Variants in ICOS observed in about 807,000 individuals in gnomAD.
ICOS encodes the protein inducible T cell costimulator, also known as inducible T-cell costimulator.
ICOS carries 15 observed loss-of-function variants against 24.6 expected under a neutral mutation model. That is an observed-to-expected ratio of 0.61 (90% CI 0.41 to 0.94). The LOEUF is 0.94. Ranked by LOEUF, ICOS falls within the 40% of genes least tolerant of loss-of-function variation. ICOS has a pLI of 0.00. For synonymous variants in ICOS, 89 were observed against 77.5 expected, an observed-to-expected ratio of 1.15 and a Z score of -0.78; for missense variants, 200 against 233.0, an observed-to-expected ratio of 0.86 and a Z score of 0.92.
chr2:203,938,719 A>G (rs1016386218), intron 1 of ICOS, among the ~76,000 whole-genome samples: 2 of 152,244 alleles, frequency 1.3e-5, no homozygotes, highest in African/African-American at 4.8e-5. Context: ...GGTGAGATCC[A>G]GCCTTAGGTA....
intron 1 of ICOS, among the ~76,000 whole-genome samples, chr2:203,937,641 A>AAAGTT (rs1689681223): frequency 6.6e-6 from 1 of 152,236 alleles, no homozygotes; most frequent in Non-Finnish European, 1.5e-5. Context: ...TGAAAAAAGG[A>AAAGTT]AAGTTAAGTA....
At chr2:203,943,450 A>G (rs1286630397) in intron 1 of ICOS, among the ~76,000 whole-genome samples, 2 of 151,968 alleles carry the variant, frequency 1.3e-5, no homozygotes, top group Non-Finnish European at 2.9e-5. Context: ...CACCCAGCAA[A>G]TCTACCCGGC....
intron 1 of ICOS, among the ~76,000 whole-genome samples, chr2:203,953,761 T>C (rs73055996): frequency 0.031 from 4,670 of 152,300 alleles, 225 homozygotes; most frequent in African/African-American, 0.1. Flanking sequence ...ATATCCAACG[T>C]TAGTATTTTA....
intron 1 of ICOS, among the ~76,000 whole-genome samples, chr2:203,942,999 A>C (rs1323505894): frequency 3.3e-5 from 5 of 152,078 alleles, no homozygotes; most frequent in Non-Finnish European, 7.3e-5. Context: ...AGTTTCCTGA[A>C]ATTTTTATTG....
chr2:203,959,161 G>A (rs527607078), intron 4 of ICOS, among the ~76,000 whole-genome samples: 1 of 152,288 alleles, frequency 6.6e-6, no homozygotes, highest in African/African-American at 2.4e-5. Flanking sequence ...GAGGGCATTA[G>A]CTTTCCCTCA....
chr2:203,950,180 G>T (rs1040887539), intron 1 of ICOS, among the ~76,000 whole-genome samples: 32 of 152,204 alleles, frequency 2.1e-4, no homozygotes, highest in Non-Finnish European at 3.1e-4. Flanking sequence ...GGAGGCTGGG[G>T]CCTAAGTCTA....
rs114884192 is a variant in ICOS, at chr2:203,946,559, G to C, written c.59-9077G>C. Reference sequence around the variant, plus strand: ...TGAATAGCAATGTAAGTTTAGAAATGATGCATATATAAAAATCTACTAACC... The same window carrying C: ...TGAATAGCAATGTAAGTTTAGAAATCATGCATATATAAAAATCTACTAACC... On this transcript the variant is annotated intron_variant, in intron 1 of 4. Coordinates refer to ENST00000316386, the MANE Select transcript of ICOS (RefSeq NM_012092.4). Among the ~76,000 whole-genome samples the C allele has an allele frequency of 1.7e-3, 259 of 152,030 alleles. 1 individual carries two copies. The highest frequency in any genetic ancestry group is 2.2e-3 in the Non-Finnish European group (149 of 68,008).
chr2:203,936,926 GA>G, intron 1 of ICOS, 54 bp downstream of exon 1: 1 of 1,378,278 alleles, frequency 7.3e-7, no homozygotes, highest in Non-Finnish European at 1.0e-6. Context: ...TAAACATTAA[GA>G]AAAAGCAAAG....
At chr2:203,957,599 G>A (rs1034816293) in intron 3 of ICOS, among the ~76,000 whole-genome samples, 200 bp from the exon 4 acceptor site, 13 of 152,168 alleles carry the variant, frequency 8.5e-5, no homozygotes, top group Admixed American at 5.2e-4. Flanking sequence ...AGGCAAAAAC[G>A]AGGAAGAAAG....
Position 203,961,358 on chromosome 2 carries a change from G to C in ICOS, c.*1759G>C. ...TTTGCAGGTTTCTGTGTGTGGGGTG[G>C]GGTATGGGGAGGAGAACCTTCATGG... On this transcript the variant is annotated 3_prime_UTR_variant, in exon 5 of 5. Coordinates refer to ENST00000316386, the MANE Select transcript of ICOS (RefSeq NM_012092.4). 1 of 175,602 alleles carries C rather than the reference G, an allele frequency of 5.7e-6. No homozygotes were observed. The highest frequency in any genetic ancestry group is 1.3e-4 in the East Asian group (1 of 7,964). The allele number at this position is 175,602 out of a possible 1,614,324, so 10.9% of individuals were successfully genotyped here.
chr2:203,940,320 T>C (rs1689741657), intron 1 of ICOS, among the ~76,000 whole-genome samples: 1 of 152,250 alleles, frequency 6.6e-6, no homozygotes, highest in South Asian at 2.1e-4. Context: ...AGGTTTCCTC[T>C]TACAGTATTT....
chr2:203,948,142 T>C (rs576207674), intron 1 of ICOS, among the ~76,000 whole-genome samples: 1 of 152,314 alleles, frequency 6.6e-6, no homozygotes, highest in Admixed American at 6.5e-5. Flanking sequence ...TATTTGAAGG[T>C]AAAGAAAGTT....
At chr2:203,941,128 C>CT (rs958038928) in intron 1 of ICOS, among the ~76,000 whole-genome samples, 1 of 152,082 alleles carries the variant, frequency 6.6e-6, no homozygotes, top group African/African-American at 2.4e-5. Context: ...TTTTTTAAGA[C>CT]TGGGTGAAAG....
At chr2:203,956,863 G>A (rs920353961) in intron 3 of ICOS, 98 bp downstream of exon 3, 1 of 808,592 alleles carries the variant, frequency 1.2e-6, no homozygotes, top group Non-Finnish European at 2.1e-6. Flanking sequence ...AGAGTAATTT[G>A]ACCAACAGGG....
chr2:203,955,843 A>G lies in ICOS; in HGVS notation c.266A>G (p.Asn89Ser). 6.2e-7 allele frequency: 1 copy of G among 1,613,812 alleles called. No homozygotes were observed. Among genetic ancestry groups the G allele is most frequent in the South Asian group, 1.1e-5 (1 of 91,080 alleles). ...AAATTCTGCCATTCTCAGTTATCCA[A>G]CAACAGTGTCTCTTTTTTTCTATAC... Reference protein sequence around the residue: ...SLKFCHSQLSNNSVSFFLYNL... With the variant: ...SLKFCHSQLSSNSVSFFLYNL... The change falls in exon 2 of 5, where the codon AAC becomes AGC. Residue 89 changes from asparagine (N) to serine (S), a missense_variant. By Grantham distance (46) the Asn-to-Ser change is conservative. Transcript: ENST00000316386.
intron 1 of ICOS, among the ~76,000 whole-genome samples, chr2:203,948,921 A>T (rs75331833): frequency 0.068 from 10,302 of 152,292 alleles, 476 homozygotes; most frequent in Non-Finnish European, 0.11. Flanking sequence ...GTAGTGTGTG[A>T]CTGGTATAAA....
chr2:203,949,381 A>G (rs563229757), intron 1 of ICOS, among the ~76,000 whole-genome samples: 1 of 152,292 alleles, frequency 6.6e-6, no homozygotes, highest in African/African-American at 2.4e-5. Context: ...TGAACCAAAA[A>G]TCTTTCATGC....
At chr2:203,942,575 T>A (rs769447876) in intron 1 of ICOS, among the ~76,000 whole-genome samples, 6 of 152,210 alleles carry the variant, frequency 3.9e-5, no homozygotes, top group Admixed American at 1.3e-4. Flanking sequence ...TTTTGATATA[T>A]AATAACCCTT....
Position 203,955,933 on chromosome 2 carries a change from T to C in ICOS, c.356T>C (p.Phe119Ser), listed in dbSNP as rs375299065. 8.2e-5 allele frequency: 133 copies of C among 1,612,342 alleles called. No homozygotes were observed. Among genetic ancestry groups the C allele is most frequent in the Non-Finnish European group, 1.1e-4 (133 of 1,178,804 alleles). Residue 119 changes from phenylalanine to serine, a missense_variant, in exon 2 of 5, where the codon TTT becomes TCT. Physicochemically the swap from Phe to Ser is radical, Grantham distance 155. Transcript: ENST00000316386. ...CTATCAATTTTTGATCCTCCTCCTTTTAAAGTAACTCTTACAGGAGGATAT... is the reference window on the plus strand; with the variant it reads ...CTATCAATTTTTGATCCTCCTCCTTCTAAAGTAACTCTTACAGGAGGATAT... ...CNLSIFDPPP[F>S]KVTLTGGYLH... is the part of the protein sequence containing the mutation.
Sources: gnomAD v4.1 joint callset for allele counts (sites outside exome capture counted in the v4.1 genomes callset) on GRCh38, gnomAD v4.1.1 for gene constraint, MANE v1.5 for transcripts, NCBI Gene and HGNC (gene_info 2026-07-23, HGNC 2026-07-21) for gene names.